The following KCNJ6 variants were observed in gnomAD, a reference collection of about 807,000 sequenced individuals.
KCNJ6 encodes the protein potassium inwardly rectifying channel subfamily J member 6.
In KCNJ6, 9 loss-of-function variants were observed where a neutral mutation model predicts 34.2. The observed-to-expected ratio is 0.26, with a 90% CI of 0.16 to 0.46. The LOEUF (loss-of-function observed/expected upper bound fraction) is 0.46, where lower values mean the gene tolerates loss of function less well. KCNJ6 is among the 20% of genes least tolerant of loss of function. The probability of loss-of-function intolerance (pLI) is 1.00; values close to 1 mark genes in which losing one functional copy is unlikely to be tolerated. For missense variants in KCNJ6, 236 were observed against 531.3 expected (o/e 0.44, Z 5.46); for synonymous variants, 196 against 207.1 (o/e 0.95, Z 0.46).
chr21:37,627,043 C>T (rs1193711949), intron 3 of KCNJ6, among the ~76,000 whole-genome samples: 2 of 152,098 alleles, frequency 1.3e-5, no homozygotes, highest in Non-Finnish European at 2.9e-5. Context: ...CTGCTTTGTG[C>T]TGAATGCAGG....
chr21:37,799,941 T>C (rs1367516906), intron 2 of KCNJ6, among the ~76,000 whole-genome samples: 2 of 152,192 alleles, frequency 1.3e-5, no homozygotes, highest in African/African-American at 2.4e-5. Context: ...TACAAAAAAC[T>C]ATGAAAATGT....
intron 1 of KCNJ6, among the ~76,000 whole-genome samples, chr21:37,867,741 G>A (rs2055630151): frequency 6.6e-6 from 1 of 152,148 alleles, no homozygotes; most frequent in Admixed American, 6.5e-5. Context: ...ATAACAGAAG[G>A]TTACACGGTA....
chr21:37,761,454 TTG>T (rs370442893), intron 2 of KCNJ6, among the ~76,000 whole-genome samples: 275 of 150,230 alleles, frequency 1.8e-3, no homozygotes, highest in African/African-American at 6.3e-3. Flanking sequence ...TTTGTGTGTG[TTG>T]TGTGTATGTA....
chr21:37,742,646 C>T (rs1027387121), intron 2 of KCNJ6, among the ~76,000 whole-genome samples: 18 of 152,300 alleles, frequency 1.2e-4, no homozygotes, highest in Admixed American at 5.2e-4. Context: ...CGTTCTGTAG[C>T]CCTCTCATCA....
chr21:37,640,407 A>G (rs551893423), intron 3 of KCNJ6, among the ~76,000 whole-genome samples: 67 of 152,378 alleles, frequency 4.4e-4, no homozygotes, highest in African/African-American at 1.5e-3. Context: ...TATCACATCA[A>G]TGTGAAGCAT....
intron 2 of KCNJ6, among the ~76,000 whole-genome samples, chr21:37,732,851 G>C (rs1441419321): frequency 6.6e-6 from 1 of 152,154 alleles, no homozygotes; most frequent in Non-Finnish European, 1.5e-5. Context: ...AATTCACCCA[G>C]AGCAGTGACC....
At chr21:37,777,237 C>A (rs1349807641) in intron 2 of KCNJ6, among the ~76,000 whole-genome samples, 3 of 152,066 alleles carry the variant, frequency 2.0e-5, no homozygotes, top group African/African-American at 7.2e-5. Flanking sequence ...ATTCTTCTCC[C>A]TTTTCTTCTT....
At chr21:37,806,151 C>G (rs1000773499) in intron 2 of KCNJ6, among the ~76,000 whole-genome samples, 3 of 152,174 alleles carry the variant, frequency 2.0e-5, no homozygotes, top group African/African-American at 7.2e-5. Context: ...CAGCAACTGG[C>G]TGATAAAAAA....
In KCNJ6 at chr21:37,624,455, T is replaced by A. The variant is rs2054301823; in HGVS notation, c.*704A>T. The A allele has an allele frequency of 6.6e-6, 1 of 152,172 alleles. No individual in the cohort carries two copies. The highest frequency in any genetic ancestry group is 2.4e-5 in the African/African-American group (1 of 41,426). 9.4% of individuals were successfully genotyped at this position (152,172 alleles called of 1,614,324 possible). ...TCAAAACAGAAATGCCTACTGCATG[T>A]TAGGAATCTTTCTTTCTTTCTTTTT... On this transcript the variant is annotated 3_prime_UTR_variant, in exon 4 of 4. Coordinates refer to ENST00000609713, the MANE Select transcript of KCNJ6 (RefSeq NM_002240.5).
chr21:37,749,687 T>A (rs993408370), intron 2 of KCNJ6, among the ~76,000 whole-genome samples: 1 of 152,224 alleles, frequency 6.6e-6, no homozygotes, highest in African/African-American at 2.4e-5. Context: ...TTTGGGGTCA[T>A]GATCCAAAGG....
chr21:37,719,815 G>A (rs1163301570), intron 2 of KCNJ6, among the ~76,000 whole-genome samples: 2 of 152,166 alleles, frequency 1.3e-5, no homozygotes, highest in African/African-American at 2.4e-5. Flanking sequence ...CCTTGTCCTC[G>A]AATCAGTGGG....
intron 1 of KCNJ6, among the ~76,000 whole-genome samples, chr21:37,862,056 C>T (rs1014228500): frequency 6.6e-6 from 1 of 152,200 alleles, no homozygotes; most frequent in Non-Finnish European, 1.5e-5. Context: ...TTGGCCTGCT[C>T]CTCAAGCCCC....
intron 3 of KCNJ6, among the ~76,000 whole-genome samples, chr21:37,681,761 A>T (rs908605284): frequency 1.5e-4 from 17 of 115,558 alleles, no homozygotes; most frequent in Non-Finnish European, 2.3e-4. Context: ...TCAACCAGAA[A>T]GAGAGCGGGA....
intron 2 of KCNJ6, among the ~76,000 whole-genome samples, chr21:37,839,125 G>A (rs527900902): frequency 2.0e-5 from 3 of 152,118 alleles, no homozygotes; most frequent in East Asian, 1.9e-4. Flanking sequence ...ACCCAGTCTC[G>A]GGTAATTCTT....
intron 2 of KCNJ6, among the ~76,000 whole-genome samples, chr21:37,726,174 G>A (rs1389810054): frequency 6.6e-6 from 1 of 152,140 alleles, no homozygotes; most frequent in Non-Finnish European, 1.5e-5. Context: ...CCAAAGTGCT[G>A]GGATTACAGG....
intron 2 of KCNJ6, among the ~76,000 whole-genome samples, chr21:37,736,131 C>T (rs572553996): frequency 4.5e-4 from 68 of 152,266 alleles, no homozygotes; most frequent in African/African-American, 1.4e-3. Flanking sequence ...CTTGGAGCCC[C>T]ATCTCTGCCA....
intron 3 of KCNJ6, among the ~76,000 whole-genome samples, chr21:37,644,722 G>C (rs958891478): frequency 6.6e-6 from 1 of 152,136 alleles, no homozygotes; most frequent in Non-Finnish European, 1.5e-5. Context: ...CATTAATTTT[G>C]CACCTCGGGA....
intron 3 of KCNJ6, among the ~76,000 whole-genome samples, chr21:37,638,841 TTCC>T (rs1601398409): frequency 1.3e-5 from 2 of 152,220 alleles, no homozygotes; most frequent in East Asian, 3.8e-4. Context: ...TATTTGTATC[TTCC>T]TCCTCCAACA....
intron 2 of KCNJ6, among the ~76,000 whole-genome samples, chr21:37,816,723 G>A (rs1456239367): frequency 6.6e-6 from 1 of 152,176 alleles, no homozygotes; most frequent in Non-Finnish European, 1.5e-5. Context: ...CCTCTGCTGA[G>A]TGTGGATGGT....
Sources: gnomAD v4.1 joint callset for allele counts (sites outside exome capture counted in the v4.1 genomes callset) on GRCh38, gnomAD v4.1.1 for gene constraint, MANE v1.5 for transcripts, NCBI Gene and HGNC (gene_info 2026-07-23, HGNC 2026-07-21) for gene names.